FBXO31: variants seen among roughly 807,000 people sequenced by gnomAD.
FBXO31 encodes the protein F-box protein 31, also known as F-box only protein 31.
A neutral mutation model predicts 54.4 loss-of-function variants in FBXO31; 24 were observed. That is an observed-to-expected ratio of 0.44 (90% confidence interval 0.32 to 0.62). The LOEUF (loss-of-function observed/expected upper bound fraction) is 0.62. Ranked by LOEUF, FBXO31 falls within the 20% of genes least tolerant of loss-of-function variation. The probability of loss-of-function intolerance (pLI) is 0.05; values close to 1 mark genes in which losing one functional copy is unlikely to be tolerated. For synonymous variants in FBXO31, 388 were observed against 335.6 expected (o/e 1.16, Z -1.71); for missense variants, 665 against 787.1 (o/e 0.84, Z 1.86).
At chr16:87,341,540 C>T (rs1905193579) in intron 5 of FBXO31, among the ~76,000 whole-genome samples, 2 of 151,692 alleles carry the variant, frequency 1.3e-5, no homozygotes, top group Admixed American at 1.3e-4. Context: ...CCTCTAAGCC[C>T]AGCTCCTCAG....
chr16:87,382,086 T>A (rs373128266), intron 1 of FBXO31, among the ~76,000 whole-genome samples: 3 of 148,864 alleles, frequency 2.0e-5, no homozygotes, highest in Admixed American at 6.7e-5. Flanking sequence ...CAAGGATACA[T>A]GTCAATCTCC....
chr16:87,375,493 AAAATAAAT>A (rs530896496), intron 1 of FBXO31, among the ~76,000 whole-genome samples: 3 of 151,974 alleles, frequency 2.0e-5, no homozygotes, highest in Non-Finnish European at 2.9e-5. Flanking sequence ...TCTGTCTCAA[AAAATAAAT>A]AAATAAATAA....
intron 4 of FBXO31, among the ~76,000 whole-genome samples, chr16:87,343,190 G>A (rs559062489): frequency 5.6e-4 from 85 of 152,356 alleles, no homozygotes; most frequent in Non-Finnish European, 9.7e-4. Flanking sequence ...ATTTCCCAGC[G>A]TGACACAGAG....
intron 1 of FBXO31, among the ~76,000 whole-genome samples, chr16:87,374,739 C>G (rs1045832978): frequency 3.9e-5 from 6 of 152,244 alleles, no homozygotes; most frequent in African/African-American, 1.4e-4. Context: ...GTGTGCCTCA[C>G]TCTCCGGAGT....
At chr16:87,351,420 A>T (rs1905650569) in intron 2 of FBXO31, among the ~76,000 whole-genome samples, 1 of 152,066 alleles carries the variant, frequency 6.6e-6, no homozygotes, top group Non-Finnish European at 1.5e-5. Context: ...GGGGGAAAGG[A>T]GCCAGGAACA....
upstream of FBXO31, among the ~76,000 whole-genome samples, chr16:87,391,135 G>C (rs988287430): frequency 3.9e-5 from 6 of 152,158 alleles, 1 homozygote; most frequent in African/African-American, 1.4e-4. Flanking sequence ...AGGGTTGCTT[G>C]AGGCCAGGAG....
At chr16:87,359,906 C>A (rs1053775623) in intron 2 of FBXO31, among the ~76,000 whole-genome samples, 2 of 152,152 alleles carry the variant, frequency 1.3e-5, no homozygotes, top group African/African-American at 4.8e-5. Flanking sequence ...TTCTCCGTAC[C>A]TGGGGCTTGG....
At chr16:87,337,585 C>A (rs1421447736) in intron 5 of FBXO31, among the ~76,000 whole-genome samples, 3 of 152,226 alleles carry the variant, frequency 2.0e-5, no homozygotes, top group African/African-American at 7.2e-5. Context: ...CTCACACGGG[C>A]ACCAACAGAG....
At chr16:87,359,700 C>T (rs1458374780) in intron 2 of FBXO31, among the ~76,000 whole-genome samples, 1 of 152,188 alleles carries the variant, frequency 6.6e-6, no homozygotes, top group African/African-American at 2.4e-5. Flanking sequence ...GTCCAGTGAG[C>T]AAGAAATGGG....
At chr16:87,359,517 A>AT (rs1410825681) in intron 2 of FBXO31, among the ~76,000 whole-genome samples, 3 of 152,368 alleles carry the variant, frequency 2.0e-5, no homozygotes, top group East Asian at 1.9e-4. Flanking sequence ...ATATGTCTTC[A>AT]TGTCACTTTG....
chr16:87,375,885 C>G (rs1165127894), intron 1 of FBXO31, among the ~76,000 whole-genome samples: 1 of 152,160 alleles, frequency 6.6e-6, no homozygotes, highest in African/African-American at 2.4e-5. Flanking sequence ...AAGATTTAAC[C>G]CACCAGCTCC....
At position 87,328,947 on chromosome 16, in the gene FBXO31, G is replaced by C. The variant is rs1048917837; in HGVS notation, c.*2341C>G. 4 of 152,182 alleles carry C rather than the reference G, an allele frequency of 2.6e-5. No homozygotes were observed. The highest frequency in any genetic ancestry group is 9.7e-5 in the African/African-American group (4 of 41,446). 9.4% of individuals were successfully genotyped at this position (152,182 alleles called of 1,614,324 possible). Reference sequence around the variant, plus strand: ...CTCTGATGACGACATCAGCCCTTCCGAGTTCTCACCTGCAGGAAATGGGCC... The same window carrying C: ...CTCTGATGACGACATCAGCCCTTCCCAGTTCTCACCTGCAGGAAATGGGCC... On this transcript the variant is annotated 3_prime_UTR_variant, in exon 9 of 9. Transcript: ENST00000311635.
At chr16:87,343,529 C>CA in intron 4 of FBXO31, 69 bp downstream of exon 4, 1 of 1,525,342 alleles carries the variant, frequency 6.6e-7, no homozygotes. Flanking sequence ...AATAGCACGG[C>CA]AGGCCTGGCT....
chr16:87,368,018 G>A (rs1426745780), intron 1 of FBXO31: 1 of 152,126 alleles, frequency 6.6e-6, no homozygotes, highest in Admixed American at 6.5e-5. Context: ...TTTTAGCTAG[G>A]ATAGCCACAT....
Position 87,383,541 on chromosome 16 carries a change from C to A in FBXO31, c.204G>T (p.Leu68=). The A allele has an allele frequency of 6.4e-7, 1 of 1,567,062 alleles. No individual in the cohort carries two copies. Among genetic ancestry groups the A allele is most frequent in the Middle Eastern group, 1.9e-4 (1 of 5,316 alleles). ...PSPPPPRCSL[L]ELPPELLVEI... is the part of the protein sequence containing the mutation. The stretch of plus-strand genomic sequence containing the variant: ...CCACCAGCAGCTCGGGCGGCAGCTC[C>A]AGCAGCGAGCAGCGCGGGGGCGGCG... The change falls in exon 1 of 9, where the codon CTG becomes CTT. Residue 68 remains leucine, a synonymous_variant. Coordinates refer to ENST00000311635, the MANE Select transcript of FBXO31 (RefSeq NM_024735.5). This position sits in a 1 kb window ranked among gnomAD's most constrained non-coding sequence, Gnocchi z 4.9.
intron 2 of FBXO31, among the ~76,000 whole-genome samples, chr16:87,350,732 A>C (rs995975451): frequency 6.6e-6 from 1 of 151,676 alleles, no homozygotes; most frequent in African/African-American, 2.4e-5. Context: ...TAAAAAAAAA[A>C]CACTATTCAG....
At position 87,349,658 on chromosome 16, in the gene FBXO31, C is replaced by T. The variant is rs937786747; in HGVS notation, c.413-2408G>A. Reference sequence around the variant, plus strand: ...CAGGGAGGCGGAGGCTGCAGTGAGCCGAGACCACGCCACTGCACTCCAGCC... The same window carrying T: ...CAGGGAGGCGGAGGCTGCAGTGAGCTGAGACCACGCCACTGCACTCCAGCC... On this transcript the variant is annotated intron_variant, in intron 2 of 8. Transcript: ENST00000311635. Among the ~76,000 whole-genome samples, 12 of 150,890 alleles carry T rather than the reference C, an allele frequency of 8.0e-5. No individual in the cohort carries two copies. In the South Asian group the frequency reaches 8.4e-4, roughly 11 times the overall value.
At chr16:87,355,083 C>T (rs888589727) in intron 2 of FBXO31, among the ~76,000 whole-genome samples, 2 of 152,200 alleles carry the variant, frequency 1.3e-5, no homozygotes. Flanking sequence ...CTCAGCCAGG[C>T]GCAGTGGCTC....
intron 1 of FBXO31, among the ~76,000 whole-genome samples, chr16:87,371,746 T>C (rs569170560): frequency 1.3e-5 from 2 of 152,330 alleles, no homozygotes; most frequent in African/African-American, 4.8e-5. Context: ...GTCATTGCAT[T>C]ACAAACAGGA....
Sources: allele counts gnomAD v4.1 joint callset (sites outside exome capture counted in the v4.1 genomes callset), GRCh38; gene constraint gnomAD v4.1.1; non-coding constraint Gnocchi (gnomAD v3.1); transcripts MANE v1.5; gene names NCBI Gene and HGNC (gene_info 2026-07-23, HGNC 2026-07-21).